KDM1B: variants seen among roughly 807,000 people sequenced by gnomAD.
KDM1B encodes the protein lysine demethylase 1B.
A neutral mutation model predicts 107.4 loss-of-function variants in KDM1B; 63 were observed. The ratio of observed to expected loss-of-function variants is 0.59; its 90% CI spans 0.48 to 0.72. The LOEUF (loss-of-function observed/expected upper bound fraction) is 0.72, where lower values mean the gene tolerates loss of function less well. Ranked by LOEUF, KDM1B falls within the 30% of genes least tolerant of loss-of-function variation. KDM1B has a pLI of 0.00. For synonymous variants in KDM1B, 363 were observed against 363.9 expected (o/e 1.00, Z 0.03); for missense variants, 749 against 1,020.8 (o/e 0.73, Z 3.63).
At chr6:18,171,181 T>C (rs1275015856) in intron 6 of KDM1B, among the ~76,000 whole-genome samples, 182 bp from the exon 7 acceptor site, 3 of 152,184 alleles carry the variant, frequency 2.0e-5, no homozygotes, top group African/African-American at 7.2e-5. Context: ...CCTGAGGAAG[T>C]ATTAAATCAG....
At position 18,196,291 on chromosome 6, in the gene KDM1B, GGAGTGCACATCTCTCTTTGACGTGCT is replaced by G. The variant is rs1787645391; in HGVS notation, c.970-763_970-738del. 2.6e-5 allele frequency among the ~76,000 whole-genome samples: 4 copies of G among 152,122 alleles called. No homozygotes were observed. The South Asian group carries it at 8.3e-4, about 32-fold the overall frequency. Reference sequence around the variant, plus strand: ...TTGTGATAATGCTGCAATGAACATGGGAGTGCACATCTCTCTTTGACGTGCTGATTCATTTTATTTGACTACCCTGC... The same window carrying G: ...TTGTGATAATGCTGCAATGAACATGGGATTCATTTTATTTGACTACCCTGC... On this transcript the variant is annotated intron_variant, in intron 10 of 21. Transcript: ENST00000650836.
At position 18,159,250 on chromosome 6, in the gene KDM1B, AC is replaced by A. The variant is rs1308375848; in HGVS notation, c.-13-631del. ...CAAAGTGCTGGGATTACAAGCATGA[AC>A]CACTGTGCCCAGCCATGAGTTTTCT... On this transcript the variant is annotated intron_variant, in intron 2 of 21. Transcript: ENST00000650836. The surrounding 1 kb of genome is among the most constrained non-coding windows in gnomAD (Gnocchi z 4.5). 7.2e-5 allele frequency among the ~76,000 whole-genome samples: 11 copies of A among 152,164 alleles called. No homozygotes were observed. Among genetic ancestry groups the A allele is most frequent in the African/African-American group, 2.2e-4 (9 of 41,448 alleles).
rs1283189820 is a variant in KDM1B, at chr6:18,205,566, A to G, written c.1561A>G (p.Ile521Val). 1 of 1,547,522 alleles carries G rather than the reference A, an allele frequency of 6.5e-7. No homozygotes were observed. The highest frequency in any genetic ancestry group is 2.5e-5 in the East Asian group (1 of 40,518). ...GATAGAAGAAATCTACAAGGCATTT[A>G]TTAAGGAATCTGGTATCCAATTCAG... The part of the protein sequence containing the change: ...EKIEEIYKAF[I>V]KESGIQFSEL... The change falls in exon 15 of 22, where the codon ATT becomes GTT. Residue 521 changes from isoleucine to valine, a missense_variant. Transcript: ENST00000650836. The surrounding 1 kb of genome is among the most constrained non-coding windows in gnomAD (Gnocchi z 5.7).
At chr6:18,157,737 A>G (rs2876476) in intron 2 of KDM1B, among the ~76,000 whole-genome samples, 135,326 of 150,758 alleles carry the variant, frequency 0.9, 60,825 homozygotes, top group Middle Eastern at 0.92. Context: ...GAGATTTGTT[A>G]GAGTGGACAG....
chr6:18,163,875 G>C (rs1785120742), intron 5 of KDM1B, among the ~76,000 whole-genome samples: 1 of 152,066 alleles, frequency 6.6e-6, no homozygotes, highest in Non-Finnish European at 1.5e-5. Context: ...GCATGCAGTG[G>C]AGAAAAATGT....
intron 15 of KDM1B, among the ~76,000 whole-genome samples, chr6:18,206,810 G>A (rs563818399): frequency 9.4e-4 from 143 of 152,160 alleles, no homozygotes; most frequent in African/African-American, 3.3e-3. Flanking sequence ...CACTGCTCTC[G>A]AGAAGCCAAA....
chr6:18,185,101 T>C (rs565364810), intron 7 of KDM1B, among the ~76,000 whole-genome samples: 1 of 152,322 alleles, frequency 6.6e-6, no homozygotes, highest in East Asian at 1.9e-4. Flanking sequence ...GGTGCAGATA[T>C]ACAAGAGTCT....
intron 7 of KDM1B, among the ~76,000 whole-genome samples, chr6:18,178,681 G>C (rs768786726): frequency 6.6e-6 from 1 of 152,174 alleles, no homozygotes; most frequent in Non-Finnish European, 1.5e-5. Flanking sequence ...GTGAGCCACT[G>C]CACCCAGCCA....
At chr6:18,199,362 G>C (rs1469184554) in intron 12 of KDM1B, among the ~76,000 whole-genome samples, 2 of 152,206 alleles carry the variant, frequency 1.3e-5, no homozygotes, top group Non-Finnish European at 2.9e-5. Flanking sequence ...ATACCCAGGA[G>C]ACCCTCCATT....
intron 16 of KDM1B, 137 bp downstream of exon 16, chr6:18,207,666 C>T (rs775638805): frequency 8.2e-5 from 81 of 993,174 alleles, no homozygotes; most frequent in Admixed American, 2.3e-4. Context: ...GTGGCTCATT[C>T]GTAGCCTGTG....
At chr6:18,193,830 CAG>C (rs1307085048) in intron 10 of KDM1B, among the ~76,000 whole-genome samples, 11 of 150,490 alleles carry the variant, frequency 7.3e-5, no homozygotes, top group Admixed American at 7.3e-4. Flanking sequence ...GTCTTTGAAA[CAG>C]ATCAAGGTCA....
In KDM1B at chr6:18,217,844, A is replaced by C; in HGVS notation, c.2344A>C (p.Ile782Leu). Residue 782 changes from isoleucine to leucine, a missense_variant, in exon 21 of 22, where the codon ATT becomes CTT. Transcript: ENST00000650836. ...TGGSGEAYDIIAEDIQGTVFF... is the reference protein window; with the variant it reads ...TGGSGEAYDILAEDIQGTVFF... ...TGGAAGTGGGGAGGCCTACGATATC[A>C]TTGCTGAAGACATTCAAGGAACCGT... 2 of 1,613,868 alleles carry C rather than the reference A, an allele frequency of 1.2e-6. No individual in the cohort carries two copies. The highest frequency in any genetic ancestry group is 1.7e-6 in the Non-Finnish European group (2 of 1,179,916).
In KDM1B at chr6:18,197,096, G is replaced by A. The variant is rs201513146; in HGVS notation, c.1009G>A (p.Val337Ile). 6 of 1,613,848 alleles carry A rather than the reference G, an allele frequency of 3.7e-6. No homozygotes were observed. The highest frequency in any genetic ancestry group is 3.3e-5 in the Admixed American group (2 of 60,010). ...TPQKCIPHII[V>I]RGLVRIRCVQ... ...TCAGAAATGTATTCCTCACATCATC[G>A]TCCGGGGTCTCGTGCGTATTCGATG... is the stretch of plus-strand genomic sequence containing the variant. The change falls in exon 11 of 22, where the codon GTC (valine) becomes ATC (isoleucine). Residue 337 changes from valine to isoleucine, a missense_variant. Val to Ile is a conservative substitution (Grantham distance 29). Transcript: ENST00000650836. The surrounding 1 kb of genome is among the most constrained non-coding windows in gnomAD (Gnocchi z 4.5).
intron 2 of KDM1B, among the ~76,000 whole-genome samples, chr6:18,156,457 A>G (rs776900995): frequency 7.2e-5 from 11 of 152,114 alleles, no homozygotes; most frequent in Non-Finnish European, 1.5e-4. Flanking sequence ...CAAGGCTTTG[A>G]CCAGTTTTGT....
chr6:18,191,006 A>G lies in KDM1B; in HGVS notation c.785-191A>G, dbSNP rs548610576. Among the ~76,000 whole-genome samples, 3 of 152,320 alleles carry G rather than the reference A, an allele frequency of 2.0e-5. No individual in the cohort carries two copies. In the East Asian group the frequency reaches 5.8e-4, roughly 29 times the overall value. ...TATGGAAATTAAAGTTGAGAATAGC[A>G]TGAAGAAAGAATGAGAAAAATACTT... On this transcript the variant is annotated intron_variant, in intron 9 of 21. Transcript: ENST00000650836. This position sits in a 1 kb window ranked among gnomAD's most constrained non-coding sequence, Gnocchi z 5.1.
rs1787934220 is a variant in KDM1B, at chr6:18,200,070, C to T, written c.1222-369C>T. The stretch of plus-strand genomic sequence containing the variant: ...TGTATTTCTGGTAGAGACAGGGTTT[C>T]ACCATGTTGGCCAAACTGGTCACAA... On this transcript the variant is annotated intron_variant, in intron 12 of 21. Coordinates refer to ENST00000650836, the MANE Select transcript of KDM1B (RefSeq NM_001364614.2). The surrounding 1 kb of genome is among the most constrained non-coding windows in gnomAD (Gnocchi z 4.3). Among the ~76,000 whole-genome samples, 1 of 152,142 alleles carries T rather than the reference C, an allele frequency of 6.6e-6. No homozygotes were observed. Among genetic ancestry groups the T allele is most frequent in the South Asian group, 2.1e-4 (1 of 4,830 alleles).
At chr6:18,215,499 TCTC>T (rs1789148758) in intron 20 of KDM1B, among the ~76,000 whole-genome samples, 1 of 152,070 alleles carries the variant, frequency 6.6e-6, no homozygotes, top group Admixed American at 6.5e-5. Context: ...TGTGTCCTCA[TCTC>T]CTCTTCTTAT....
intron 10 of KDM1B, among the ~76,000 whole-genome samples, chr6:18,192,828 T>C (rs531864044): frequency 1.3e-5 from 2 of 150,452 alleles, no homozygotes; most frequent in East Asian, 1.9e-4. Context: ...ATTTGACTTA[T>C]ACAGGGGAAG....
At position 18,159,265 on chromosome 6, in the gene KDM1B, C is replaced by A. The variant is rs1784821203; in HGVS notation, c.-13-618C>A. Among the ~76,000 whole-genome samples the A allele has an allele frequency of 6.6e-6, 1 of 152,146 alleles. No individual in the cohort carries two copies. Among genetic ancestry groups the A allele is most frequent in the Non-Finnish European group, 1.5e-5 (1 of 68,034 alleles). ...ACAAGCATGAACCACTGTGCCCAGC[C>A]ATGAGTTTTCTTTTTAAAGTGTAAT... On this transcript the variant is annotated intron_variant, in intron 2 of 21. Coordinates refer to ENST00000650836, the MANE Select transcript of KDM1B (RefSeq NM_001364614.2). The surrounding 1 kb of genome is among the most constrained non-coding windows in gnomAD (Gnocchi z 4.5).
Sources: allele counts gnomAD v4.1 joint callset (sites outside exome capture counted in the v4.1 genomes callset), GRCh38; gene constraint gnomAD v4.1.1; non-coding constraint Gnocchi (gnomAD v3.1); transcripts MANE v1.5; gene names NCBI Gene and HGNC (gene_info 2026-07-23, HGNC 2026-07-21).